The following CEP70 variants were observed in gnomAD, a reference collection of about 807,000 sequenced individuals.
The protein encoded by CEP70 is centrosomal protein of 70 kDa.
Under a neutral mutation model 90.9 loss-of-function variants are expected in CEP70, and 70 were observed. The observed-to-expected ratio is 0.77, with a 90% confidence interval of 0.64 to 0.94. CEP70 has a LOEUF of 0.94. Ranked by LOEUF, CEP70 falls within the 40% of genes least tolerant of loss-of-function variation. CEP70 has a pLI of 0.00. For missense variants in CEP70, 648 were observed against 669.0 expected (o/e 0.97, Z 0.35); for synonymous variants, 220 against 228.3 (o/e 0.96, Z 0.33).
At chr3:138,531,894 C>T (rs1012554905) in intron 8 of CEP70, among the ~76,000 whole-genome samples, 2 of 152,004 alleles carry the variant, frequency 1.3e-5, no homozygotes, top group Non-Finnish European at 2.9e-5. Context: ...GAACATGGTA[C>T]AAAATAGGTG....
At chr3:138,543,098 C>T (rs1316354190) in intron 6 of CEP70, among the ~76,000 whole-genome samples, 1 of 152,190 alleles carries the variant, frequency 6.6e-6, no homozygotes, top group Non-Finnish European at 1.5e-5. Flanking sequence ...GCGGACTCCA[C>T]CTGGCACTGG....
At chr3:138,568,805 C>A (rs1306751718) in intron 6 of CEP70, among the ~76,000 whole-genome samples, 1 of 151,746 alleles carries the variant, frequency 6.6e-6, no homozygotes, top group African/African-American at 2.4e-5. Context: ...ATAGTGAAAC[C>A]CCATCTCTAC....
At chr3:138,586,727 CA>C (rs1211863937) in intron 2 of CEP70, among the ~76,000 whole-genome samples, 1 of 151,476 alleles carries the variant, frequency 6.6e-6, no homozygotes, top group African/African-American at 2.4e-5. Context: ...TCAATGGGTA[CA>C]AAAAAATAGA....
At chr3:138,566,162 A>C (rs2040772134) in intron 6 of CEP70, among the ~76,000 whole-genome samples, 1 of 152,258 alleles carries the variant, frequency 6.6e-6, no homozygotes, top group African/African-American at 2.4e-5. Flanking sequence ...CGATCATTAA[A>C]AAGTCAGAAA....
intron 11 of CEP70, among the ~76,000 whole-genome samples, chr3:138,511,170 C>CA (rs915848355): frequency 6.6e-6 from 1 of 152,190 alleles, no homozygotes; most frequent in African/African-American, 2.4e-5. Flanking sequence ...CGTGCCCCCC[C>CA]AGTCCTAACA....
intron 11 of CEP70, among the ~76,000 whole-genome samples, chr3:138,515,467 C>CAAAAAAAAAAAAAAAAAAAA (rs145902706): frequency 3.1e-5 from 2 of 65,386 alleles, no homozygotes; most frequent in South Asian, 6.9e-4. Context: ...CATAGAAATG[C>CAAAAAAAAAAAAAAAAAAAA]AAAAAAAAAA....
intron 8 of CEP70, among the ~76,000 whole-genome samples, chr3:138,532,171 C>A (rs549636309): frequency 4.6e-5 from 7 of 152,202 alleles, no homozygotes; most frequent in African/African-American, 1.7e-4. Flanking sequence ...GATAGGCAGC[C>A]AATCTAATTC....
chr3:138,588,296 G>C lies in CEP70; in HGVS notation c.-6+3558C>G, dbSNP rs183436973. On this transcript the variant is annotated intron_variant, in intron 2 of 17. Transcript: ENST00000264982. ...AAATATAACATTCTGAGAATGAAAA[G>C]AGAAACCACATACTCAGAGAAAATA... Among the ~76,000 whole-genome samples, 753 of 152,212 alleles carry C rather than the reference G, an allele frequency of 4.9e-3. 8 individuals carry two copies. The highest frequency in any genetic ancestry group is 0.017 in the African/African-American group (725 of 41,530).
chr3:138,521,380 C>T (rs548104726), intron 11 of CEP70, among the ~76,000 whole-genome samples: 24 of 149,316 alleles, frequency 1.6e-4, no homozygotes, highest in Admixed American at 4.7e-4. Context: ...TCTGCCTGGC[C>T]GCCCATCATC....
intron 6 of CEP70, among the ~76,000 whole-genome samples, chr3:138,550,640 G>C (rs1230434442): frequency 5.9e-5 from 9 of 152,194 alleles, no homozygotes; most frequent in Non-Finnish European, 1.3e-4. Flanking sequence ...TGGGATTACA[G>C]GCATGAGCCA....
At chr3:138,589,072 A>T (rs1412127827) in intron 2 of CEP70, among the ~76,000 whole-genome samples, 1 of 152,246 alleles carries the variant, frequency 6.6e-6, no homozygotes, top group Admixed American at 6.5e-5. Context: ...GGCTAGACAC[A>T]GAGACTACTA....
chr3:138,496,744 A>G (rs1434446922), intron 17 of CEP70: 20 of 985,268 alleles, frequency 2.0e-5, no homozygotes, highest in East Asian at 2.3e-4. Context: ...AACTTTCCCA[A>G]TGTTAATGTT....
At chr3:138,530,468 G>C (rs1239567708) in intron 8 of CEP70, 2 of 321,086 alleles carry the variant, frequency 6.2e-6, no homozygotes, top group Non-Finnish European at 9.0e-6. Flanking sequence ...TATTCCCAAT[G>C]TGTTTATTTT....
At chr3:138,580,005 G>T (rs2041766534) in intron 2 of CEP70, among the ~76,000 whole-genome samples, 1 of 151,960 alleles carries the variant, frequency 6.6e-6, no homozygotes, top group African/African-American at 2.4e-5. Flanking sequence ...TGAGTCCCAG[G>T]CCTGGTAGCA....
chr3:138,522,145 G>A (rs1330336152), intron 11 of CEP70, among the ~76,000 whole-genome samples: 3 of 152,074 alleles, frequency 2.0e-5, no homozygotes, highest in Admixed American at 6.6e-5. Flanking sequence ...CAAACACTGC[G>A]GAAGGCCGCA....
At chr3:138,577,309 C>T (rs943920456) in intron 2 of CEP70, among the ~76,000 whole-genome samples, 6 of 152,052 alleles carry the variant, frequency 3.9e-5, no homozygotes, top group African/African-American at 7.2e-5. Context: ...CAAACCTGCA[C>T]GCTGTCATGT....
intron 11 of CEP70, among the ~76,000 whole-genome samples, chr3:138,522,578 G>A (rs60513493): frequency 0.4 from 60,643 of 151,536 alleles, 12,687 homozygotes; most frequent in Non-Finnish European, 0.45. Flanking sequence ...AACTACCATC[G>A]GAGAATACTA....
In CEP70 at chr3:138,591,866, ATAT is replaced by A; in HGVS notation, c.-21_-19del. The A allele has an allele frequency of 6.6e-7, 1 of 1,526,438 alleles. No homozygotes were observed. Among genetic ancestry groups the A allele is most frequent in the Non-Finnish European group, 8.7e-7 (1 of 1,142,914 alleles). 94.6% of individuals were successfully genotyped at this position (1,526,438 alleles called of 1,614,324 possible). On this transcript the variant is annotated 5_prime_UTR_variant, in exon 2 of 18. The change creates a new upstream start codon in the 5' untranslated region. Transcript: ENST00000264982. ...ACATTAGACATACCTCAGTCATAGCATATTACTCTTGCACTTTACACCTGGTCA... is the reference window on the plus strand; with the variant it reads ...ACATTAGACATACCTCAGTCATAGCATACTCTTGCACTTTACACCTGGTCA...
intron 6 of CEP70, among the ~76,000 whole-genome samples, chr3:138,568,315 T>C (rs2040925619): frequency 6.6e-6 from 1 of 152,222 alleles, no homozygotes; most frequent in South Asian, 2.1e-4. Context: ...TGAACTCTCA[T>C]GTATCTGTTC....
Sources: allele counts gnomAD v4.1 joint callset (sites outside exome capture counted in the v4.1 genomes callset), GRCh38; gene constraint gnomAD v4.1.1; transcripts MANE v1.5; gene names NCBI Gene and HGNC (gene_info 2026-07-23, HGNC 2026-07-21).